Variants in PARD3 observed in about 807,000 individuals in gnomAD.
PARD3 encodes partitioning defective 3 homolog.
A neutral mutation model predicts 155.4 loss-of-function variants in PARD3; 75 were observed. The observed-to-expected ratio is 0.48, with a 90% confidence interval of 0.40 to 0.58. The LOEUF is 0.58. Among genes scored for constraint, PARD3 ranks in the 20% least tolerant of loss-of-function variants. The pLI is 0.00. For synonymous variants in PARD3, 576 were observed against 610.5 expected, an observed-to-expected ratio of 0.94 and a Z score of 0.83; for missense variants, 1,642 against 1,721.7, an observed-to-expected ratio of 0.95 and a Z score of 0.82.
intron 3 of PARD3, among the ~76,000 whole-genome samples, chr10:34,474,539 A>G (rs2078579079): frequency 6.6e-6 from 1 of 152,262 alleles, no homozygotes; most frequent in Non-Finnish European, 1.5e-5. Flanking sequence ...GTAACAGTGT[A>G]CTAGAACCCA....
intron 5 of PARD3, among the ~76,000 whole-genome samples, chr10:34,410,997 G>A (rs1412302116): frequency 6.6e-6 from 1 of 150,890 alleles, no homozygotes; most frequent in Non-Finnish European, 1.5e-5. Context: ...GTTGCATGTT[G>A]TGCTAAGAGT....
At chr10:34,175,735 T>C (rs1950002960) in intron 22 of PARD3, among the ~76,000 whole-genome samples, 1 of 152,202 alleles carries the variant, frequency 6.6e-6, no homozygotes, top group Non-Finnish European at 1.5e-5. Flanking sequence ...AAAGTGAATA[T>C]TATAGGATAT....
chr10:34,779,285 G>GA (rs1403117374), intron 1 of PARD3, among the ~76,000 whole-genome samples: 1 of 150,916 alleles, frequency 6.6e-6, no homozygotes, highest in Non-Finnish European at 1.5e-5. Context: ...CAGCCTGGGT[G>GA]AAAGAGCTAG....
intron 4 of PARD3, among the ~76,000 whole-genome samples, chr10:34,451,013 G>T (rs1378465552): frequency 1.3e-5 from 2 of 152,022 alleles, no homozygotes; most frequent in African/African-American, 4.8e-5. Context: ...AAACATCAGG[G>T]GAAAAAACTG....
At chr10:34,543,114 A>G (rs543205478) in intron 2 of PARD3, among the ~76,000 whole-genome samples, 2 of 151,182 alleles carry the variant, frequency 1.3e-5, no homozygotes, top group Admixed American at 1.3e-4. Context: ...TTTTTTTCCA[A>G]TTTAGGGGAA....
intron 1 of PARD3, among the ~76,000 whole-genome samples, chr10:34,751,620 T>C (rs116376552): frequency 0.024 from 3,591 of 152,198 alleles, 144 homozygotes; most frequent in African/African-American, 0.083. Flanking sequence ...CTCTCTTTTT[T>C]TGAGATGGGG....
At chr10:34,434,291 G>T (rs1337793535) in intron 5 of PARD3, among the ~76,000 whole-genome samples, 1 of 152,158 alleles carries the variant, frequency 6.6e-6, no homozygotes, top group East Asian at 1.9e-4. Flanking sequence ...GACTCAAAAA[G>T]GACAAAAACA....
At chr10:34,253,199 ATTACT>A (rs1954432403) in intron 22 of PARD3, among the ~76,000 whole-genome samples, 1 of 152,230 alleles carries the variant, frequency 6.6e-6, no homozygotes, top group South Asian at 2.1e-4. Context: ...GGACTCAATC[ATTACT>A]TTACGACATT....
chr10:34,804,035 GTTTTT>G (rs373473801), intron 1 of PARD3, among the ~76,000 whole-genome samples: 2 of 136,894 alleles, frequency 1.5e-5, no homozygotes, highest in African/African-American at 5.3e-5. Flanking sequence ...ATTTGTTTTT[GTTTTT>G]TTTTTTTTTT....
intron 7 of PARD3, among the ~76,000 whole-genome samples, chr10:34,398,231 CCA>C (rs1231956276): frequency 2.6e-5 from 4 of 152,072 alleles, no homozygotes; most frequent in East Asian, 1.9e-4. Context: ...TCTGAACTCA[CCA>C]CAGTTACTTA....
At chr10:34,502,581 GAC>G (rs1370195630) in intron 3 of PARD3, among the ~76,000 whole-genome samples, 3 of 151,846 alleles carry the variant, frequency 2.0e-5, no homozygotes, top group East Asian at 3.9e-4. Flanking sequence ...GCGATATATA[GAC>G]ACACACACAC....
At chr10:34,534,965 T>A (rs1480497754) in intron 2 of PARD3, among the ~76,000 whole-genome samples, 1 of 152,146 alleles carries the variant, frequency 6.6e-6, no homozygotes, top group Non-Finnish European at 1.5e-5. Flanking sequence ...TGGGCCAAGA[T>A]CATGCCACTG....
chr10:34,582,766 G>T (rs936029166), intron 2 of PARD3, among the ~76,000 whole-genome samples: 1 of 151,892 alleles, frequency 6.6e-6, no homozygotes, highest in Non-Finnish European at 1.5e-5. Flanking sequence ...AGGCAGTCAT[G>T]TGCTCACCTT....
At chr10:34,206,320 G>A (rs1951478781) in intron 22 of PARD3, among the ~76,000 whole-genome samples, 1 of 152,206 alleles carries the variant, frequency 6.6e-6, no homozygotes, top group South Asian at 2.1e-4. Context: ...ACAGGTCTCA[G>A]ATGTCATTCA....
At chr10:34,762,551 C>T (rs1407648524) in intron 1 of PARD3, among the ~76,000 whole-genome samples, 1 of 150,270 alleles carries the variant, frequency 6.7e-6, no homozygotes, top group Admixed American at 6.7e-5. Context: ...TCAAGCAATC[C>T]TCCAGCCTCA....
chr10:34,496,142 G>A (rs12265712), intron 3 of PARD3, among the ~76,000 whole-genome samples: 116 of 151,578 alleles, frequency 7.7e-4, no homozygotes, highest in Non-Finnish European at 2.6e-4. Context: ...TCTTGGCAGC[G>A]AGCCAAGATT....
intron 22 of PARD3, among the ~76,000 whole-genome samples, chr10:34,194,965 T>C (rs970889058): frequency 1.3e-5 from 2 of 152,202 alleles, no homozygotes; most frequent in African/African-American, 2.4e-5. Context: ...ATGTGCCACA[T>C]TGGGCCTGGC....
chr10:34,361,176 A>C (rs1169324561), intron 12 of PARD3, among the ~76,000 whole-genome samples: 1 of 152,180 alleles, frequency 6.6e-6, no homozygotes, highest in African/African-American at 2.4e-5. Flanking sequence ...TCATGTCCAA[A>C]TCAGTAAGGC....
At chr10:34,421,442 C>T (rs78065337) in intron 5 of PARD3, among the ~76,000 whole-genome samples, 1,516 of 151,418 alleles carry the variant, frequency 0.01, 25 homozygotes, top group African/African-American at 0.034. Context: ...TTAGATTATA[C>T]ATTTCTATGC....
Sources: gnomAD v4.1 joint callset for allele counts (sites outside exome capture counted in the v4.1 genomes callset) on GRCh38, gnomAD v4.1.1 for gene constraint, MANE v1.5 for transcripts, NCBI Gene and HGNC (gene_info 2026-07-23, HGNC 2026-07-21) for gene names.